The following PALM2AKAP2 variants were observed in gnomAD, a reference collection of about 807,000 sequenced individuals.
The protein encoded by PALM2AKAP2 is PALM2-AKAP2 fusion protein.
A neutral mutation model predicts 71.5 loss-of-function variants in PALM2AKAP2; 37 were observed. That is an observed-to-expected ratio of 0.52 (90% CI 0.40 to 0.68). The LOEUF (loss-of-function observed/expected upper bound fraction) is 0.68, where lower values mean the gene tolerates loss of function less well. Ranked by LOEUF, PALM2AKAP2 falls within the 30% of genes least tolerant of loss-of-function variation. The probability of loss-of-function intolerance (pLI) is 0.00; values close to 1 mark genes in which losing one functional copy is unlikely to be tolerated. For synonymous variants in PALM2AKAP2, 468 were observed against 478.8 expected (o/e 0.98, Z 0.29); for missense variants, 1,224 against 1,191.8 (o/e 1.03, Z -0.40).
chr9:109,957,993 A>G (rs1193286149), intron 6 of PALM2AKAP2, among the ~76,000 whole-genome samples: 14 of 152,226 alleles, frequency 9.2e-5, no homozygotes. Flanking sequence ...TGGCCAGCTG[A>G]GTAATCTTAG....
At chr9:109,945,311 G>A (rs1274646622) in intron 6 of PALM2AKAP2, 2 of 152,250 alleles carry the variant, frequency 1.3e-5, no homozygotes, top group Non-Finnish European at 1.5e-5. Flanking sequence ...AAGGAGCTAA[G>A]TTCTGCTGTT....
At chr9:109,826,598 T>G (rs1469317038) in intron 1 of PALM2AKAP2, among the ~76,000 whole-genome samples, 1 of 152,164 alleles carries the variant, frequency 6.6e-6, no homozygotes, top group Admixed American at 6.5e-5. Flanking sequence ...TTACTTCTGT[T>G]TATGACTTAG....
chr9:110,139,597 A>G (rs1276097898), intron 2 of PALM2AKAP2, among the ~76,000 whole-genome samples: 2 of 152,188 alleles, frequency 1.3e-5, no homozygotes, highest in Non-Finnish European at 2.9e-5. Flanking sequence ...ACCCTAAAGG[A>G]TAATTGTTGA....
intron 1 of PALM2AKAP2, among the ~76,000 whole-genome samples, chr9:109,834,725 G>A (rs1190817458): frequency 6.6e-6 from 1 of 152,144 alleles, no homozygotes; most frequent in African/African-American, 2.4e-5. Context: ...GTATGGTGAA[G>A]GACCTCTTAA....
chr9:109,782,422 A>T (rs2795054), intron 1 of PALM2AKAP2, among the ~76,000 whole-genome samples: 121,287 of 152,076 alleles, frequency 0.8, 48,845 homozygotes, highest in African/African-American at 0.9. Flanking sequence ...TCTTGGATTG[A>T]AACTATTGGA....
chr9:109,919,058 T>G (rs1051187895), intron 3 of PALM2AKAP2, among the ~76,000 whole-genome samples: 9 of 152,164 alleles, frequency 5.9e-5, no homozygotes, highest in Non-Finnish European at 1.2e-4. Context: ...TCTTAACCAC[T>G]TAAGGTTGCT....
rs774450268 is a variant in PALM2AKAP2, at chr9:109,923,767, A to T, written c.290A>T (p.Glu97Val). Reference sequence around the variant, plus strand: ...CAAGAAATACAAACGCTAGAAAGTGAAGAGTCCCAGATATCTGCCAAAGAG... The same window carrying T: ...CAAGAAATACAAACGCTAGAAAGTGTAGAGTCCCAGATATCTGCCAAAGAG... The change falls in exon 4 of 10, where the codon GAA becomes GTA. Residue 97 changes from glutamate (E) to valine (V), a missense_variant. Glu to Val is a moderately radical substitution (Grantham distance 121). Coordinates refer to the PALM2AKAP2 transcript ENST00000302798. 45 of 1,602,840 alleles carry T rather than the reference A, an allele frequency of 2.8e-5. No homozygotes were observed. Among genetic ancestry groups the T allele is most frequent in the Non-Finnish European group, 3.7e-5 (43 of 1,177,008 alleles).
At chr9:109,943,358 G>T (rs1564224855) in intron 6 of PALM2AKAP2, 1 of 1,614,226 alleles carries the variant, frequency 6.2e-7, no homozygotes, top group East Asian at 2.2e-5. Flanking sequence ...AAGGAAGAGA[G>T]CCTAGCTACA....
chr9:109,832,169 G>A (rs774506343), intron 1 of PALM2AKAP2, among the ~76,000 whole-genome samples: 2 of 152,230 alleles, frequency 1.3e-5, no homozygotes, highest in Non-Finnish European at 2.9e-5. Flanking sequence ...GAGGTCACAC[G>A]CAGAGTGTCT....
intron 2 of PALM2AKAP2, among the ~76,000 whole-genome samples, chr9:109,876,783 C>CTACT (rs1564191568): frequency 6.6e-6 from 1 of 152,176 alleles, no homozygotes; most frequent in Non-Finnish European, 1.5e-5. Flanking sequence ...CCCAGCCCCA[C>CTACT]TACTGCCTTT....
At chr9:109,857,328 A>G (rs1303490000) in intron 1 of PALM2AKAP2, among the ~76,000 whole-genome samples, 1 of 152,238 alleles carries the variant, frequency 6.6e-6, no homozygotes, top group Non-Finnish European at 1.5e-5. Flanking sequence ...TGCTCTTTTC[A>G]TTAGACTATT....
intron 6 of PALM2AKAP2, among the ~76,000 whole-genome samples, chr9:109,963,716 T>C (rs1371774293): frequency 1.3e-5 from 2 of 152,148 alleles, no homozygotes; most frequent in African/African-American, 2.4e-5. Flanking sequence ...GTGCTTCACC[T>C]CCCAAGACTC....
intron 6 of PALM2AKAP2, chr9:109,942,806 A>G (rs1189206625): frequency 1.9e-6 from 3 of 1,614,046 alleles, no homozygotes; most frequent in Non-Finnish European, 2.5e-6. Context: ...GTCTATGATG[A>G]TGGTACCAAA....
intron 1 of PALM2AKAP2, among the ~76,000 whole-genome samples, chr9:109,782,176 C>T (rs1040193319): frequency 4.6e-5 from 7 of 152,162 alleles, no homozygotes; most frequent in African/African-American, 1.4e-4. Flanking sequence ...TTTCCAAGTG[C>T]GGTTGAGTAA....
chr9:109,861,176 C>G (rs569478819), intron 1 of PALM2AKAP2, among the ~76,000 whole-genome samples: 2 of 152,270 alleles, frequency 1.3e-5, no homozygotes, highest in South Asian at 4.2e-4. Context: ...CCCTGCTTAG[C>G]CTCTTTCCCT....
intron 6 of PALM2AKAP2, among the ~76,000 whole-genome samples, chr9:110,012,087 G>C (rs1270087100): frequency 6.6e-6 from 1 of 152,162 alleles, no homozygotes; most frequent in African/African-American, 2.4e-5. Context: ...TTGAGGTCAG[G>C]AGTTAGACCG....
rs1019306173 is a variant in PALM2AKAP2, at chr9:110,037,770, C to T, written c.582+21731C>T. Among the ~76,000 whole-genome samples the T allele has an allele frequency of 3.3e-5, 5 of 152,224 alleles. No individual in the cohort carries two copies. In the Middle Eastern group the frequency reaches 0.01, roughly 311 times the overall value. ...AAGGTAGGCAAGACTATAGGAGGAG[C>T]AGGTTTTGAGAGGAAATTAAGAATT... On this transcript the variant is annotated intron_variant, in intron 7 of 9. Coordinates refer to the PALM2AKAP2 transcript ENST00000302798.
At chr9:109,850,416 T>C (rs1423844102) in intron 1 of PALM2AKAP2, among the ~76,000 whole-genome samples, 1 of 152,218 alleles carries the variant, frequency 6.6e-6, no homozygotes, top group Non-Finnish European at 1.5e-5. Context: ...TGGTGTTTTC[T>C]GTGGTTCTGA....
intron 6 of PALM2AKAP2, chr9:109,943,591 A>T (rs1831429163): frequency 2.2e-6 from 2 of 919,094 alleles, no homozygotes; most frequent in Non-Finnish European, 3.3e-6. Flanking sequence ...TCCTCACCTG[A>T]GAGACAACGT....
Sources: allele counts gnomAD v4.1 joint callset (sites outside exome capture counted in the v4.1 genomes callset), GRCh38; gene constraint gnomAD v4.1.1; transcripts MANE v1.5; gene names NCBI Gene and HGNC (gene_info 2026-07-23, HGNC 2026-07-21).